Variants in ELP4 observed in about 807,000 individuals in gnomAD.
ELP4 encodes elongator acetyltransferase complex subunit 4, also known as elongator complex protein 4.
Under a neutral mutation model 48.9 loss-of-function variants are expected in ELP4, and 51 were observed. The ratio of observed to expected loss-of-function variants is 1.04; its 90% CI spans 0.83 to 1.32. The LOEUF (loss-of-function observed/expected upper bound fraction) is 1.32, where lower values mean the gene tolerates loss of function less well. ELP4 is among the 40% of genes most tolerant of loss of function. ELP4 has a pLI of 0.00. For synonymous variants in ELP4, 210 were observed against 189.2 expected (o/e 1.11, Z -0.90); for missense variants, 519 against 514.6 (o/e 1.01, Z -0.08).
Position 31,737,356 on chromosome 11 carries a change from A to G in ELP4, c.1144-46037A>G, listed in dbSNP as rs181218697. ...GTGGGGAGGGATAGCATTAGGAGAT[A>G]TACCTAATGCTAAATGACAAGTTAA... On this transcript the variant is annotated intron_variant, in intron 9 of 9. Coordinates refer to ENST00000640961, the MANE Select transcript of ELP4 (RefSeq NM_019040.5). Among the ~76,000 whole-genome samples, 363 of 152,258 alleles carry G rather than the reference A, an allele frequency of 2.4e-3. 1 individual carries two copies. Among genetic ancestry groups the G allele is most frequent in the African/African-American group, 8.2e-3 (339 of 41,550 alleles).
At chr11:31,756,065 C>T (rs1346613011) in intron 9 of ELP4, among the ~76,000 whole-genome samples, 2 of 152,134 alleles carry the variant, frequency 1.3e-5, no homozygotes, top group Non-Finnish European at 2.9e-5. Flanking sequence ...TTAAAAGAAT[C>T]ACAGAAGTGA....
At chr11:31,543,224 G>T (rs1384606786) in intron 3 of ELP4, among the ~76,000 whole-genome samples, 2 of 152,194 alleles carry the variant, frequency 1.3e-5, no homozygotes, top group African/African-American at 2.4e-5. Context: ...AATATTTGAA[G>T]AAATAAGGAA....
Position 31,509,960 on chromosome 11 carries a change from G to C in ELP4, c.176G>C (p.Gly59Ala), listed in dbSNP as rs764109673. The C allele has an allele frequency of 4.3e-6, 7 of 1,612,868 alleles. No homozygotes were observed. The African/African-American group carries it at 8.0e-5, about 18-fold the overall frequency. Residue 59 changes from glycine to alanine, a missense_variant, in exon 1 of 10, where the codon GGA becomes GCA. By Grantham distance (60) the Gly-to-Ala change is moderately conservative. Coordinates refer to ENST00000640961, the MANE Select transcript of ELP4 (RefSeq NM_019040.5). ...GGCACGCGACCGTCGGTGCGGAATG[G>C]ACAGCTGCTGGTATCAACCGGGCTC... ...IAGTRPSVRN[G>A]QLLVSTGLPA... is the part of the protein sequence containing the mutation.
At chr11:31,560,334 A>G (rs1956997448) in intron 3 of ELP4, among the ~76,000 whole-genome samples, 1 of 152,174 alleles carries the variant, frequency 6.6e-6, no homozygotes, top group East Asian at 1.9e-4. Context: ...TTCTTAAAAG[A>G]TAATGTACTT....
chr11:31,677,831 T>C (rs1300176262), intron 9 of ELP4, among the ~76,000 whole-genome samples: 1 of 152,176 alleles, frequency 6.6e-6, no homozygotes, highest in Non-Finnish European at 1.5e-5. Context: ...TTTGTTACAA[T>C]TGGTGAGCCA....
chr11:31,657,205 A>G (rs1221731175), intron 9 of ELP4, among the ~76,000 whole-genome samples: 2 of 152,034 alleles, frequency 1.3e-5, no homozygotes, highest in African/African-American at 2.4e-5. Context: ...GTCCTGCCTC[A>G]GTGCCTTTGC....
chr11:31,599,522 CAAAAAA>C (rs72068693), intron 4 of ELP4: 36,827 of 126,438 alleles, frequency 0.29, 5,025 homozygotes, highest in Admixed American at 0.33. Flanking sequence ...CACACACACA[CAAAAAA>C]AAAAAACCTG....
At chr11:31,683,563 A>G (rs1437385754) in intron 9 of ELP4, among the ~76,000 whole-genome samples, 1 of 152,154 alleles carries the variant, frequency 6.6e-6, no homozygotes. Context: ...ATTTAAATCC[A>G]TCATCATTTC....
chr11:31,640,770 A>G (rs144061843), intron 7 of ELP4, among the ~76,000 whole-genome samples: 101 of 152,094 alleles, frequency 6.6e-4, no homozygotes, highest in African/African-American at 1.7e-3. Flanking sequence ...TAGTGCCACA[A>G]TTGACCTACA....
intron 9 of ELP4, among the ~76,000 whole-genome samples, chr11:31,677,014 A>G (rs983143392): frequency 6.6e-6 from 1 of 152,186 alleles, no homozygotes; most frequent in African/African-American, 2.4e-5. Context: ...TTTCTGACCA[A>G]TATATGCTGT....
chr11:31,596,901 C>T (rs767179023), intron 4 of ELP4, among the ~76,000 whole-genome samples: 21 of 151,906 alleles, frequency 1.4e-4, no homozygotes, highest in Non-Finnish European at 2.4e-4. Flanking sequence ...AAAACATATG[C>T]CCAATTTCAG....
At chr11:31,546,323 G>C (rs923483877) in intron 3 of ELP4, among the ~76,000 whole-genome samples, 1 of 151,976 alleles carries the variant, frequency 6.6e-6, no homozygotes, top group Non-Finnish European at 1.5e-5. Context: ...AAAAAAGGCA[G>C]GGGTTGCAAT....
chr11:31,584,194 T>A (rs1027477073), intron 3 of ELP4, among the ~76,000 whole-genome samples: 14 of 151,988 alleles, frequency 9.2e-5, no homozygotes, highest in African/African-American at 2.7e-4. Context: ...TAATTAAATT[T>A]AAGTATTTAT....
At chr11:31,529,784 A>T (rs1956364547) in intron 2 of ELP4, among the ~76,000 whole-genome samples, 1 of 152,172 alleles carries the variant, frequency 6.6e-6, no homozygotes, top group African/African-American at 2.4e-5. Context: ...GAGACTGAGG[A>T]TGAATTAGTG....
chr11:31,670,266 T>C (rs1267902927), intron 9 of ELP4, among the ~76,000 whole-genome samples: 6 of 152,172 alleles, frequency 3.9e-5, no homozygotes, highest in African/African-American at 7.2e-5. Context: ...ATTTAAAATG[T>C]ACCCTTCAAA....
chr11:31,572,614 G>A (rs1957207755), intron 3 of ELP4, among the ~76,000 whole-genome samples: 2 of 152,108 alleles, frequency 1.3e-5, no homozygotes, highest in South Asian at 4.1e-4. Flanking sequence ...CTATCTATCT[G>A]TCTATCTAAG....
chr11:31,548,833 A>G (rs532444802), intron 3 of ELP4, among the ~76,000 whole-genome samples: 3 of 152,312 alleles, frequency 2.0e-5, no homozygotes, highest in East Asian at 1.9e-4. Context: ...AAAATGCTGC[A>G]TATCTACAAA....
rs1201741621 is a variant in ELP4, at chr11:31,784,857, C to G, written c.*1333C>G. ...CAATGACAGTGATTTGCCAGGATGTCAAATCTCTCCATCATATCCTGTCAC... is the reference window on the plus strand; with the variant it reads ...CAATGACAGTGATTTGCCAGGATGTGAAATCTCTCCATCATATCCTGTCAC... On this transcript the variant is annotated 3_prime_UTR_variant, in exon 10 of 10. Transcript: ENST00000640961. 1 of 177,986 alleles carries G rather than the reference C, an allele frequency of 5.6e-6. No individual in the cohort carries two copies. Among genetic ancestry groups the G allele is most frequent in the Non-Finnish European group, 1.2e-5 (1 of 82,810 alleles). 11.0% of individuals were successfully genotyped at this position (177,986 alleles called of 1,614,324 possible).
chr11:31,510,324 G>A lies in ELP4; in HGVS notation c.223+317G>A, dbSNP rs11826035. 3.9e-3 allele frequency: 1,957 copies of A among 504,706 alleles called. 38 individuals carry two copies. Among genetic ancestry groups the A allele is most frequent in the African/African-American group, 0.034 (1,798 of 53,128 alleles). The allele number at this position is 504,706 out of a possible 1,614,324, so 31.3% of individuals were successfully genotyped here. On this transcript the variant is annotated intron_variant, in intron 1 of 9. Transcript: ENST00000640961. ...TCAAGGGAAGACATTAATTTATGGA[G>A]ATGGTTTGGCTTTCATTCAGGATAC...
Sources: gnomAD v4.1 joint callset for allele counts (sites outside exome capture counted in the v4.1 genomes callset) on GRCh38, gnomAD v4.1.1 for gene constraint, MANE v1.5 for transcripts, NCBI Gene and HGNC (gene_info 2026-07-23, HGNC 2026-07-21) for gene names.